DNAH9: variants seen among roughly 807,000 people sequenced by gnomAD.
The protein encoded by DNAH9 is DNAH9 variant protein.
DNAH9 carries 345 observed loss-of-function variants against 471.6 expected under a neutral mutation model. The observed-to-expected ratio is 0.73, with a 90% CI of 0.67 to 0.80. The LOEUF is 0.80. DNAH9 is among the 30% of genes least tolerant of loss of function. The pLI is 0.00. For synonymous variants in DNAH9, 2,093 were observed against 2,123.6 expected, an observed-to-expected ratio of 0.99 and a Z score of 0.40; for missense variants, 5,407 against 5,609.2, an observed-to-expected ratio of 0.96 and a Z score of 1.15.
At chr17:11,836,617 C>A (rs149311689) in intron 49 of DNAH9, among the ~76,000 whole-genome samples, 2 of 152,182 alleles carry the variant, frequency 1.3e-5, no homozygotes. Flanking sequence ...CAACACTCTG[C>A]TCACCTGTAG....
At position 11,810,319 on chromosome 17, in the gene DNAH9, A is replaced by G. The variant is rs1174440215; in HGVS notation, c.8657A>G (p.Gln2886Arg). ...ACAGTGTTTCTCATGACTGATGCCC[A>G]AGTGGCTGATGAGAGGTTCCTTGTG... ...LNTVFLMTDA[Q>R]VADERFLVLI... is the part of the protein sequence containing the mutation. Residue 2886 changes from glutamine (Q) to arginine (R), a missense_variant, in exon 45 of 69, where the codon CAA (glutamine) becomes CGA (arginine). Physicochemically the swap from Gln to Arg is conservative, Grantham distance 43. Coordinates refer to ENST00000262442, the MANE Select transcript of DNAH9 (RefSeq NM_001372.4). 3 of 1,613,934 alleles carry G rather than the reference A, an allele frequency of 1.9e-6. No individual in the cohort carries two copies. Among genetic ancestry groups the G allele is most frequent in the Non-Finnish European group, 2.5e-6 (3 of 1,179,934 alleles).
chr17:11,768,454 T>C lies in DNAH9; in HGVS notation c.7172T>C (p.Leu2391Pro). Residue 2391 changes from leucine to proline, a missense_variant and splice_region_variant, in exon 37 of 69, where the codon CTT becomes CCT. Physicochemically the swap from Leu to Pro is moderately conservative, Grantham distance 98. Coordinates refer to ENST00000262442, the MANE Select transcript of DNAH9 (RefSeq NM_001372.4). ...CCCTGACTGTCTTTGTTTTTGCAGCTTGTGGACTACCGGGCAGAGTTCAGC... is the reference window on the plus strand; with the variant it reads ...CCCTGACTGTCTTTGTTTTTGCAGCCTGTGGACTACCGGGCAGAGTTCAGC... ...AFGGAMVQDQ[L>P]VDYRAEFSKW... The C allele has an allele frequency of 6.2e-7, 1 of 1,612,332 alleles. No homozygotes were observed. Among genetic ancestry groups the C allele is most frequent in the East Asian group, 2.2e-5 (1 of 44,802 alleles).
chr17:11,703,623 A>C (rs1391075252), intron 24 of DNAH9, among the ~76,000 whole-genome samples: 2 of 152,220 alleles, frequency 1.3e-5, no homozygotes, highest in Non-Finnish European at 2.9e-5. Flanking sequence ...ATTTATTTTT[A>C]ATCTCTGAAA....
At chr17:11,664,366 A>G (rs562638222) in intron 14 of DNAH9, among the ~76,000 whole-genome samples, 2 of 152,352 alleles carry the variant, frequency 1.3e-5, no homozygotes, top group African/African-American at 4.8e-5. Flanking sequence ...TTGAATGCCA[A>G]CTGCAAAACA....
chr17:11,758,143 A>G (rs1265163446), intron 35 of DNAH9, among the ~76,000 whole-genome samples: 1 of 152,168 alleles, frequency 6.6e-6, no homozygotes, highest in Non-Finnish European at 1.5e-5. Flanking sequence ...TTCACGGCCC[A>G]GATAATGTGG....
intron 41 of DNAH9, among the ~76,000 whole-genome samples, chr17:11,785,174 A>C (rs1453593619): frequency 6.6e-6 from 1 of 152,054 alleles, no homozygotes; most frequent in African/African-American, 2.4e-5. Flanking sequence ...CCATCTAGCA[A>C]ACCCAGACCC....
At chr17:11,778,212 A>ACTACT (rs1343525770) in intron 38 of DNAH9, among the ~76,000 whole-genome samples, 1 of 151,388 alleles carries the variant, frequency 6.6e-6, no homozygotes, top group Non-Finnish European at 1.5e-5. Context: ...ATCAGAAACA[A>ACTACT]CTACTCGGGA....
At chr17:11,688,202 C>T (rs1216338577) in intron 19 of DNAH9, among the ~76,000 whole-genome samples, 1 of 150,330 alleles carries the variant, frequency 6.7e-6, no homozygotes. Flanking sequence ...AGCCTAAAGT[C>T]TGTCCAGACT....
intron 67 of DNAH9, among the ~76,000 whole-genome samples, chr17:11,947,137 T>C (rs1975156282): frequency 6.6e-6 from 1 of 152,198 alleles, no homozygotes; most frequent in Non-Finnish European, 1.5e-5. Flanking sequence ...AGGAATTCTT[T>C]TGGGAATTCA....
At chr17:11,825,550 C>G (rs1970459169) in intron 48 of DNAH9, among the ~76,000 whole-genome samples, 1 of 152,176 alleles carries the variant, frequency 6.6e-6, no homozygotes, top group South Asian at 2.1e-4. Flanking sequence ...TTCTGTGTTA[C>G]TGTTGTAGGT....
At chr17:11,662,369 A>T (rs937511576) in intron 14 of DNAH9, among the ~76,000 whole-genome samples, 1 of 152,116 alleles carries the variant, frequency 6.6e-6, no homozygotes, top group African/African-American at 2.4e-5. Context: ...TGATATTCTT[A>T]TCTACTAATT....
intron 32 of DNAH9, among the ~76,000 whole-genome samples, chr17:11,748,646 A>G (rs1448116202): frequency 6.6e-6 from 1 of 152,140 alleles, no homozygotes; most frequent in African/African-American, 2.4e-5. Context: ...ACAGTGATTC[A>G]GAGGCCCCCA....
At chr17:11,635,978 T>C (rs1379279163) in intron 8 of DNAH9, among the ~76,000 whole-genome samples, 6 of 133,568 alleles carry the variant, frequency 4.5e-5, no homozygotes, top group Admixed American at 2.9e-4. Flanking sequence ...TTCTAGGTTT[T>C]GTTTTTTTTG....
Position 11,633,780 on chromosome 17 carries a change from C to T in DNAH9, c.1635+1077C>T, listed in dbSNP as rs576446403. On this transcript the variant is annotated intron_variant, in intron 8 of 68. Transcript: ENST00000262442. ...ATTCGTGCACTAAGGATGCCCAGAC[C>T]TACACATCACATAGATCCCTCTCTA... Among the ~76,000 whole-genome samples, 5 of 152,200 alleles carry T rather than the reference C, an allele frequency of 3.3e-5. No homozygotes were observed. In the South Asian group the frequency reaches 8.3e-4, roughly 25 times the overall value.
intron 61 of DNAH9, among the ~76,000 whole-genome samples, chr17:11,921,118 G>T (rs112715870): frequency 0.026 from 3,865 of 151,544 alleles, 183 homozygotes; most frequent in East Asian, 0.24. Flanking sequence ...TCCAGCCTGG[G>T]TGTAATCCCA....
chr17:11,909,113 G>A (rs765528391), intron 61 of DNAH9, among the ~76,000 whole-genome samples: 4 of 152,268 alleles, frequency 2.6e-5, no homozygotes, highest in South Asian at 2.1e-4. Flanking sequence ...TGTTGGGAAC[G>A]TTCCATATCC....
chr17:11,702,082 G>A (rs1205651170), intron 24 of DNAH9, among the ~76,000 whole-genome samples: 1 of 152,238 alleles, frequency 6.6e-6, no homozygotes, highest in Non-Finnish European at 1.5e-5. Flanking sequence ...TATGAAAGCT[G>A]AGATGTGAAG....
At chr17:11,774,954 A>C (rs768385749) in intron 38 of DNAH9, among the ~76,000 whole-genome samples, 61 of 151,346 alleles carry the variant, frequency 4.0e-4, no homozygotes, top group Non-Finnish European at 8.2e-4. Context: ...AAATCATCAT[A>C]ATTGAAATAA....
At position 11,689,994 on chromosome 17, in the gene DNAH9, A is replaced by G; in HGVS notation, c.4172A>G (p.Gln1391Arg). Reference sequence around the variant, plus strand: ...GAGCGGCACTGGAGGCAGCTGATGCAGGCCACCGGTGTGAGCTTCACTATG... The same window carrying G: ...GAGCGGCACTGGAGGCAGCTGATGCGGGCCACCGGTGTGAGCTTCACTATG... ...IRERHWRQLM[Q>R]ATGVSFTMDQ... Residue 1391 changes from glutamine to arginine, a missense_variant, in exon 20 of 69, where the codon CAG becomes CGG. Transcript: ENST00000262442. The G allele has an allele frequency of 6.2e-7, 1 of 1,614,102 alleles. No homozygotes were observed. The highest frequency in any genetic ancestry group is 8.5e-7 in the Non-Finnish European group (1 of 1,179,990).
Sources: allele counts gnomAD v4.1 joint callset (sites outside exome capture counted in the v4.1 genomes callset), GRCh38; gene constraint gnomAD v4.1.1; transcripts MANE v1.5; gene names NCBI Gene and HGNC (gene_info 2026-07-23, HGNC 2026-07-21).